EXOC4: variants seen among roughly 807,000 people sequenced by gnomAD.
EXOC4 encodes SEC8-like 1.
Under a neutral mutation model 107.2 loss-of-function variants are expected in EXOC4, and 71 were observed. The observed-to-expected ratio is 0.66, with a 90% CI of 0.55 to 0.81. EXOC4 has a LOEUF of 0.81. EXOC4 is among the 30% of genes least tolerant of loss of function. The pLI is 0.00. For synonymous variants in EXOC4, 456 were observed against 441.2 expected (o/e 1.03, Z -0.42); for missense variants, 1,108 against 1,189.6 (o/e 0.93, Z 1.01).
At chr7:133,491,823 C>T (rs1799377621) in intron 9 of EXOC4, among the ~76,000 whole-genome samples, 1 of 152,156 alleles carries the variant, frequency 6.6e-6, no homozygotes, top group Non-Finnish European at 1.5e-5. Context: ...TTACGCCGAA[C>T]TGGTAAGATG....
intron 10 of EXOC4, among the ~76,000 whole-genome samples, chr7:133,714,520 T>C (rs938509441): frequency 4.6e-5 from 7 of 152,224 alleles, no homozygotes; most frequent in African/African-American, 1.7e-4. Context: ...TTATAATGAT[T>C]GTCATAATAT....
At chr7:133,369,487 C>T (rs2150679764) in intron 6 of EXOC4, among the ~76,000 whole-genome samples, 1 of 152,242 alleles carries the variant, frequency 6.6e-6, no homozygotes, top group East Asian at 1.9e-4. Context: ...TAGCCTTTGA[C>T]TCTGCTGGTA....
chr7:133,983,740 G>A (rs1318678349), intron 14 of EXOC4, among the ~76,000 whole-genome samples: 4 of 152,040 alleles, frequency 2.6e-5, no homozygotes, highest in Non-Finnish European at 5.9e-5. Flanking sequence ...ACCTTGTTAA[G>A]TATTGGTTAA....
At chr7:133,343,796 C>T (rs1052063266) in intron 5 of EXOC4, among the ~76,000 whole-genome samples, 2 of 151,740 alleles carry the variant, frequency 1.3e-5, no homozygotes, top group African/African-American at 4.8e-5. Flanking sequence ...ATTTGAGCCC[C>T]TCTCTTGGGC....
chr7:133,686,762 A>G (rs1247755203), intron 10 of EXOC4, among the ~76,000 whole-genome samples: 1 of 152,104 alleles, frequency 6.6e-6, no homozygotes, highest in Non-Finnish European at 1.5e-5. Context: ...GCTGGTGGGA[A>G]TGTAAACTAG....
At chr7:133,299,653 T>A (rs560416877) in intron 3 of EXOC4, among the ~76,000 whole-genome samples, 51 of 152,336 alleles carry the variant, frequency 3.3e-4, no homozygotes, top group African/African-American at 1.2e-3. Flanking sequence ...TTTTCCGAGA[T>A]AGATCTGAAG....
chr7:133,773,127 C>A (rs1796278033), intron 10 of EXOC4, among the ~76,000 whole-genome samples: 1 of 151,958 alleles, frequency 6.6e-6, no homozygotes, highest in Non-Finnish European at 1.5e-5. Context: ...TCCTAAGGGA[C>A]ATAAGAAGGC....
chr7:133,686,993 T>G (rs1833333), intron 10 of EXOC4, among the ~76,000 whole-genome samples: 1,566 of 7,556 alleles, frequency 0.21, 32 homozygotes, highest in South Asian at 0.44. Context: ...ATAAAGAATT[T>G]TGTGTGTGTG....
chr7:133,938,686 C>T (rs534151792), intron 14 of EXOC4, among the ~76,000 whole-genome samples: 1 of 152,068 alleles, frequency 6.6e-6, no homozygotes, highest in African/African-American at 2.4e-5. Flanking sequence ...AACTTTAGGG[C>T]ACATAAACTT....
At chr7:133,788,497 C>G (rs1160271806) in intron 10 of EXOC4, among the ~76,000 whole-genome samples, 1 of 151,858 alleles carries the variant, frequency 6.6e-6, no homozygotes, top group Non-Finnish European at 1.5e-5. Flanking sequence ...CAAAACTTCT[C>G]TCTTTTTTTT....
chr7:133,497,379 G>A (rs1174110308), intron 9 of EXOC4, among the ~76,000 whole-genome samples: 4 of 151,814 alleles, frequency 2.6e-5, no homozygotes, highest in Non-Finnish European at 4.4e-5. Context: ...TGTAAGAAAG[G>A]CAAACAACTC....
chr7:133,481,969 G>A lies in EXOC4; in HGVS notation c.1417+1831G>A, dbSNP rs143955438. Among the ~76,000 whole-genome samples the A allele has an allele frequency of 3.9e-5, 6 of 152,264 alleles. No individual in the cohort carries two copies. In the East Asian group the frequency reaches 7.7e-4, roughly 20 times the overall value. On this transcript the variant is annotated intron_variant, in intron 9 of 17. Coordinates refer to ENST00000253861, the MANE Select transcript of EXOC4 (RefSeq NM_021807.4). ...TATTGCAGGAGGTAGGATTGTGCTC[G>A]AACTGCCCTTAGCAGGCTATCTAAG...
chr7:134,080,977 C>T, the EXOC4 span, among the ~76,000 whole-genome samples: 2 of 152,064 alleles, frequency 1.3e-5, no homozygotes, highest in African/African-American at 4.8e-5. Flanking sequence ...AGCATGATTG[C>T]TCCCTCACCT....
chr7:133,370,845 A>AT (rs1298947260), intron 6 of EXOC4, among the ~76,000 whole-genome samples: 3 of 152,104 alleles, frequency 2.0e-5, no homozygotes, highest in Non-Finnish European at 4.4e-5. Context: ...AGTTCTGTGC[A>AT]TTTCCTAATT....
chr7:133,787,970 T>C (rs1796620040), intron 10 of EXOC4, among the ~76,000 whole-genome samples: 2 of 31,224 alleles, frequency 6.4e-5, no homozygotes, highest in Non-Finnish European at 1.3e-4. Context: ...TATTTATATA[T>C]ATATATATAT....
intron 9 of EXOC4, among the ~76,000 whole-genome samples, chr7:133,527,533 A>G (rs540176400): frequency 6.6e-6 from 1 of 152,326 alleles, no homozygotes; most frequent in African/African-American, 2.4e-5. Flanking sequence ...CAAACATGGG[A>G]TCTTCCTATG....
chr7:133,337,924 G>A (rs757807412), intron 5 of EXOC4, among the ~76,000 whole-genome samples: 4 of 151,636 alleles, frequency 2.6e-5, no homozygotes, highest in Non-Finnish European at 4.4e-5. Context: ...GAGCCACCAT[G>A]CTGAGCCCAT....
intron 7 of EXOC4, among the ~76,000 whole-genome samples, chr7:133,383,838 C>T (rs539082456): frequency 6.6e-6 from 1 of 152,208 alleles, no homozygotes; most frequent in South Asian, 2.1e-4. Flanking sequence ...TTGATAACCT[C>T]TATTTTGCGT....
chr7:133,277,694 A>G (rs373496674), intron 2 of EXOC4, among the ~76,000 whole-genome samples: 2 of 152,230 alleles, frequency 1.3e-5, no homozygotes, highest in African/African-American at 4.8e-5. Context: ...ATTAGCTTCA[A>G]TATTGGGTAG....
Sources: allele counts gnomAD v4.1 joint callset (sites outside exome capture counted in the v4.1 genomes callset), GRCh38; gene constraint gnomAD v4.1.1; transcripts MANE v1.5; gene names NCBI Gene and HGNC (gene_info 2026-07-23, HGNC 2026-07-21).